Variants in SHROOM4 observed in about 807,000 individuals in gnomAD.
The protein encoded by SHROOM4 is protein Shroom4.
A neutral mutation model predicts 80.3 loss-of-function variants in SHROOM4; 17 were observed. The observed-to-expected ratio is 0.21, with a 90% CI of 0.14 to 0.32. The LOEUF is 0.32. Ranked by LOEUF, SHROOM4 falls within the 10% of genes least tolerant of loss-of-function variation. The probability of loss-of-function intolerance (pLI) is 1.00; values close to 1 mark genes in which losing one functional copy is unlikely to be tolerated. For synonymous variants in SHROOM4, 400 were observed against 437.5 expected (o/e 0.91, Z 1.07); for missense variants, 993 against 1,140.3 (o/e 0.87, Z 1.86).
At chrX:50,717,870 G>C (rs1482057634) in intron 1 of SHROOM4, among the ~76,000 whole-genome samples, 1 of 111,156 alleles carries the variant, frequency 9.0e-6, no homozygotes, top group Non-Finnish European at 1.9e-5. Flanking sequence ...ATGTACTCTT[G>C]GAATACTTCC....
At chrX:50,643,428 C>G (rs1931690174) in intron 2 of SHROOM4, 1 of 110,925 alleles carries the variant, frequency 9.0e-6, no homozygotes, top group Non-Finnish European at 1.9e-5. Context: ...CATCTGCCCT[C>G]CAGTTAAGAC....
chrX:50,775,381 G>A (rs782240376), intron 1 of SHROOM4, among the ~76,000 whole-genome samples: 2 of 111,403 alleles, frequency 1.8e-5, no homozygotes, highest in Non-Finnish European at 3.8e-5. Context: ...TCAGAGTCAG[G>A]CTCAGTTTGG....
chrX:50,575,742 A>T, the SHROOM4 span, among the ~76,000 whole-genome samples: 1 of 111,962 alleles, frequency 8.9e-6, no homozygotes, highest in Non-Finnish European at 1.9e-5. Flanking sequence ...GCTGTGAGTC[A>T]TTTTAAAAAA....
intron 1 of SHROOM4, among the ~76,000 whole-genome samples, chrX:50,786,466 A>G (rs1212756918): frequency 4.5e-5 from 5 of 112,060 alleles, no homozygotes; most frequent in Non-Finnish European, 9.4e-5. Context: ...TGGGGGATGC[A>G]CAAAGGACTG....
intron 1 of SHROOM4, among the ~76,000 whole-genome samples, chrX:50,725,770 T>G (rs781979175): frequency 8.9e-6 from 1 of 112,575 alleles, no homozygotes; most frequent in South Asian, 3.7e-4. Flanking sequence ...TTACCCAGTC[T>G]CAGGTAGTTC....
At chrX:50,602,340 C>G (rs1929463428) in intron 7 of SHROOM4, among the ~76,000 whole-genome samples, 1 of 111,596 alleles carries the variant, frequency 9.0e-6, no homozygotes, top group Admixed American at 9.5e-5. Context: ...GATCCACCCA[C>G]CTTGGCCTCC....
intron 1 of SHROOM4, among the ~76,000 whole-genome samples, chrX:50,715,121 A>G (rs1933917205): frequency 9.0e-6 from 1 of 111,552 alleles, no homozygotes; most frequent in Admixed American, 9.5e-5. Flanking sequence ...TTTCTATGTT[A>G]TACAGATTTT....
chrX:50,611,144 C>T (rs782489218), intron 5 of SHROOM4, among the ~76,000 whole-genome samples: 133 of 68,196 alleles, frequency 2.0e-3, no homozygotes, highest in African/African-American at 4.2e-3. Context: ...TTCTTTTTTT[C>T]TTTTTTTTTT....
chrX:50,807,502 T>A (rs1172561631), intron 1 of SHROOM4, among the ~76,000 whole-genome samples: 1 of 112,008 alleles, frequency 8.9e-6, no homozygotes, highest in Non-Finnish European at 1.9e-5. Context: ...GAGACAACTA[T>A]TCTTTCCAGA....
chrX:50,685,097 G>C (rs1933039039), intron 2 of SHROOM4, among the ~76,000 whole-genome samples: 1 of 111,904 alleles, frequency 8.9e-6, no homozygotes, highest in Admixed American at 9.5e-5. Flanking sequence ...GAAGTGCAGA[G>C]AATGGGTTGG....
At chrX:50,599,310 A>T (rs146840037) in intron 7 of SHROOM4, among the ~76,000 whole-genome samples, 1,292 of 111,367 alleles carry the variant, frequency 0.012, 6 homozygotes, top group Non-Finnish European at 0.019. Flanking sequence ...TTGCTTCCTT[A>T]GCTTGGCTTT....
chrX:50,729,625 T>TA (rs543572310), intron 1 of SHROOM4, among the ~76,000 whole-genome samples: 54 of 111,117 alleles, frequency 4.9e-4, no homozygotes, highest in Middle Eastern at 9.4e-3. Flanking sequence ...AAGGCTAACT[T>TA]ACAAATCCAA....
chrX:50,661,774 T>C (rs964238639), intron 2 of SHROOM4, among the ~76,000 whole-genome samples: 6 of 111,933 alleles, frequency 5.4e-5, no homozygotes, highest in Non-Finnish European at 1.1e-4. Context: ...AGTTTGGGCA[T>C]GTTGGATTGT....
At chrX:50,580,624 T>C in the SHROOM4 span, among the ~76,000 whole-genome samples, 1,017 of 111,835 alleles carry the variant, frequency 9.1e-3, 2 homozygotes, top group Middle Eastern at 0.032. Flanking sequence ...TGTACCATGG[T>C]ATATGTAACA....
rs1246597020 is a variant in SHROOM4, at chrX:50,587,172, T to G, written c.*9523A>C. Among the ~76,000 whole-genome samples the G allele has an allele frequency of 8.9e-6, 1 of 112,024 alleles. No homozygotes were observed. Among genetic ancestry groups the G allele is most frequent in the Non-Finnish European group, 1.9e-5 (1 of 53,194 alleles). ...TGTGTCTGGTTTGTTTCACTTAGCA[T>G]AATACCCTCCGGGTTCATCCATTTT... On this transcript the variant is annotated 3_prime_UTR_variant, in exon 9 of 9. Coordinates refer to ENST00000376020, the MANE Select transcript of SHROOM4 (RefSeq NM_020717.5).
At chrX:50,783,578 ATTT>A (rs781820506) in intron 1 of SHROOM4, among the ~76,000 whole-genome samples, 2 of 102,837 alleles carry the variant, frequency 1.9e-5, no homozygotes, top group East Asian at 6.0e-4. Context: ...GTCGATTCTA[ATTT>A]TTTTTTTTTT....
Position 50,689,331 on chromosome X carries a change from A to C in SHROOM4, c.269+6455T>G, listed in dbSNP as rs1022089246. Among the ~76,000 whole-genome samples the C allele has an allele frequency of 6.3e-5, 7 of 111,996 alleles. No homozygotes were observed. In the East Asian group the frequency reaches 2.0e-3, roughly 31 times the overall value. The stretch of plus-strand genomic sequence containing the variant: ...GCTTCAAAAATGAAGGGAATCTTAC[A>C]TGAGGGTGGAGGAATGATGGTTCGG... On this transcript the variant is annotated intron_variant, in intron 2 of 8. Coordinates refer to ENST00000376020, the MANE Select transcript of SHROOM4 (RefSeq NM_020717.5).
chrX:50,689,196 C>T (rs1285564803), intron 2 of SHROOM4, among the ~76,000 whole-genome samples: 1 of 111,228 alleles, frequency 9.0e-6, no homozygotes, highest in African/African-American at 3.3e-5. Context: ...CCCATAAATA[C>T]GTACTATGTA....
At chrX:50,723,312 G>C (rs1163110758) in intron 1 of SHROOM4, among the ~76,000 whole-genome samples, 15 of 71,263 alleles carry the variant, frequency 2.1e-4, no homozygotes, top group African/African-American at 7.7e-4. Flanking sequence ...AATGTGGTGG[G>C]GGGAGGGGGG....
Sources: gnomAD v4.1 joint callset for allele counts (sites outside exome capture counted in the v4.1 genomes callset) on GRCh38, gnomAD v4.1.1 for gene constraint, MANE v1.5 for transcripts, NCBI Gene and HGNC (gene_info 2026-07-23, HGNC 2026-07-21) for gene names.